WIPF2: variants seen among roughly 807,000 people sequenced by gnomAD.
WIPF2 encodes WAS/WASL interacting protein family member 2, also known as WAS/WASL-interacting protein family member 2.
WIPF2 carries 23 observed loss-of-function variants against 38.8 expected under a neutral mutation model. That is an observed-to-expected ratio of 0.59 (90% confidence interval 0.43 to 0.84). WIPF2 has a LOEUF of 0.84. WIPF2 is among the 40% of genes least tolerant of loss of function. The pLI, the probability that WIPF2 is intolerant of heterozygous loss-of-function variation, is 0.00. For missense variants in WIPF2, 574 were observed against 580.5 expected, an observed-to-expected ratio of 0.99 and a Z score of 0.11; for synonymous variants, 210 against 223.2, an observed-to-expected ratio of 0.94 and a Z score of 0.53.
rs531648712 is a variant in WIPF2 at position 40,276,141 on chromosome 17, A to G, written c.1181-942A>G. The stretch of plus-strand genomic sequence containing the variant: ...CATCTGGTCAAATCTCTCACTAGTC[A>G]TAGACAGATATTCCCATTTTAAATT... On this transcript the variant is annotated intron_variant, in intron 6 of 7. Coordinates refer to ENST00000323571, the MANE Select transcript of WIPF2 (RefSeq NM_133264.5). 2.0e-5 allele frequency among the ~76,000 whole-genome samples: 3 copies of G among 152,330 alleles called. No individual in the cohort carries two copies. In the East Asian group the frequency reaches 5.8e-4, roughly 29 times the overall value.
intron 1 of WIPF2, among the ~76,000 whole-genome samples, chr17:40,226,675 T>G (rs2030505250): frequency 2.0e-5 from 3 of 152,312 alleles, no homozygotes; most frequent in Admixed American, 1.3e-4. Flanking sequence ...TTAAACTGCT[T>G]CTTTCCTTGT....
At chr17:40,246,937 C>G (rs1332316331) in intron 1 of WIPF2, among the ~76,000 whole-genome samples, 1 of 151,782 alleles carries the variant, frequency 6.6e-6, no homozygotes, top group African/African-American at 2.4e-5. Context: ...TAGTGAAACC[C>G]CGTCTCTACT....
Position 40,264,660 on chromosome 17 carries a change from C to A in WIPF2, c.484C>A (p.Pro162Thr). Reference sequence around the variant, plus strand: ...ACCCTCTTTACCGGACCTCTCTCGGCCTAATACCACCAGCAGTACGGGCAT... The same window carrying A: ...ACCCTCTTTACCGGACCTCTCTCGGACTAATACCACCAGCAGTACGGGCAT... ...QRPSLPDLSR[P>T]NTTSSTGMKH... is the part of the protein sequence containing the mutation. The change falls in exon 5 of 8, where the codon CCT (proline) becomes ACT (threonine). Residue 162 changes from proline (P) to threonine (T), a missense_variant. Pro to Thr is a conservative substitution (Grantham distance 38). Transcript: ENST00000323571. 6.2e-7 allele frequency: 1 copy of A among 1,613,604 alleles called. No homozygotes were observed. Among genetic ancestry groups the A allele is most frequent in the East Asian group, 2.2e-5 (1 of 44,878 alleles).
intron 3 of WIPF2, among the ~76,000 whole-genome samples, chr17:40,261,095 A>G (rs1020890954): frequency 7.9e-5 from 12 of 151,140 alleles, no homozygotes; most frequent in Non-Finnish European, 1.8e-4. Context: ...TCATCAGGGT[A>G]CATCCTTGAC....
At chr17:40,237,033 T>A (rs2030998675) in intron 1 of WIPF2, among the ~76,000 whole-genome samples, 1 of 152,078 alleles carries the variant, frequency 6.6e-6, no homozygotes, top group Admixed American at 6.6e-5. Context: ...TATTTAAAAA[T>A]TCATCATACT....
chr17:40,242,459 G>A (rs1404091296), intron 1 of WIPF2, among the ~76,000 whole-genome samples: 1 of 152,096 alleles, frequency 6.6e-6, no homozygotes, highest in Admixed American at 6.6e-5. Flanking sequence ...TTACCCAGTG[G>A]CACAATCTCA....
chr17:40,264,344 A>AG (rs2032008181), intron 4 of WIPF2, 146 bp from the exon 5 acceptor site: 3 of 671,914 alleles, frequency 4.5e-6, no homozygotes, highest in South Asian at 2.1e-5. Flanking sequence ...AAAAAAAAAA[A>AG]AAAAAAAAAG....
At chr17:40,220,609 AT>A (rs1567705876) in intron 1 of WIPF2, 22 of 85,392 alleles carry the variant, frequency 2.6e-4, no homozygotes, top group African/African-American at 1.1e-3. Flanking sequence ...ATATATATAT[AT>A]ATATATATGT....
intron 3 of WIPF2, 148 bp downstream of exon 3, chr17:40,260,815 C>T (rs955624493): frequency 4.6e-6 from 5 of 1,094,914 alleles, no homozygotes; most frequent in Non-Finnish European, 6.7e-6. Flanking sequence ...TTCTTCTGAA[C>T]CTTAGAAGTT....
intron 1 of WIPF2, among the ~76,000 whole-genome samples, chr17:40,221,280 A>G (rs931693137): frequency 1.1e-4 from 16 of 152,084 alleles, no homozygotes; most frequent in African/African-American, 1.7e-4. Context: ...TAGCCTACCT[A>G]TGGATTTAGT....
At chr17:40,278,160 T>C (rs766100224) in intron 7 of WIPF2, 25 bp from the exon 8 acceptor site, 4 of 1,608,424 alleles carry the variant, frequency 2.5e-6, no homozygotes, top group Non-Finnish European at 3.4e-6. Context: ...TGTATGTGTG[T>C]GGTCTTTATT....
chr17:40,264,326 CAAAAAAAAAAAA>C (rs772320240), intron 4 of WIPF2, among the ~76,000 whole-genome samples, 152 bp from the exon 5 acceptor site: 8 of 23,966 alleles, frequency 3.3e-4, no homozygotes, highest in Middle Eastern at 0.028. Flanking sequence ...AACTTCGTCT[CAAAAAAAAAAAA>C]AAAAAAAAAA....
chr17:40,238,724 C>T (rs889727408), intron 1 of WIPF2, among the ~76,000 whole-genome samples: 1 of 152,008 alleles, frequency 6.6e-6, no homozygotes, highest in African/African-American at 2.4e-5. Context: ...AGCGATTCTC[C>T]TGCCTCAGCC....
At chr17:40,231,788 A>G (rs9916782) in intron 1 of WIPF2, among the ~76,000 whole-genome samples, 17,932 of 151,792 alleles carry the variant, frequency 0.12, 1,160 homozygotes, top group East Asian at 0.29. Flanking sequence ...GGAGCTAGTA[A>G]TAATATGAGA....
chr17:40,268,107 C>CACTA (rs1209814207), intron 5 of WIPF2, among the ~76,000 whole-genome samples: 1 of 152,056 alleles, frequency 6.6e-6, no homozygotes, highest in Non-Finnish European at 1.5e-5. Flanking sequence ...GTATTAGTGC[C>CACTA]ACTGCACTTC....
intron 1 of WIPF2, among the ~76,000 whole-genome samples, chr17:40,226,957 G>T (rs892011684): frequency 6.6e-6 from 1 of 152,074 alleles, no homozygotes; most frequent in Non-Finnish European, 1.5e-5. Flanking sequence ...TGCCCAGGCT[G>T]GTCTTGAACT....
chr17:40,240,520 T>G (rs913723074), intron 1 of WIPF2, among the ~76,000 whole-genome samples: 25 of 152,044 alleles, frequency 1.6e-4, no homozygotes, highest in Admixed American at 2.6e-4. Context: ...TTTTGTTTTT[T>G]TTTTTTACTT....
chr17:40,276,965 G>A (rs1314056545), intron 6 of WIPF2, 118 bp from the exon 7 acceptor site: 10 of 854,420 alleles, frequency 1.2e-5, no homozygotes, highest in Non-Finnish European at 1.9e-5. Context: ...GGGGCAGTAG[G>A]TCCTCACAGT....
At chr17:40,222,386 G>A (rs1028673009) in intron 1 of WIPF2, among the ~76,000 whole-genome samples, 25 of 151,216 alleles carry the variant, frequency 1.7e-4, no homozygotes, top group African/African-American at 5.8e-4. Context: ...GGCTGGGCGC[G>A]CTGGCTCATG....
Sources: allele counts gnomAD v4.1 joint callset (sites outside exome capture counted in the v4.1 genomes callset), GRCh38; gene constraint gnomAD v4.1.1; transcripts MANE v1.5; gene names NCBI Gene and HGNC (gene_info 2026-07-23, HGNC 2026-07-21).